CA12: variants seen among roughly 807,000 people sequenced by gnomAD.
CA12 encodes carbonate dehydratase XII.
CA12 carries 36 observed loss-of-function variants against 46.8 expected under a neutral mutation model. The observed-to-expected ratio is 0.77, with a 90% CI of 0.59 to 1.02. The LOEUF is 1.02. Ranked by LOEUF, CA12 falls within the 50% of genes least tolerant of loss-of-function variation. The probability of loss-of-function intolerance (pLI) is 0.00; values close to 1 mark genes in which losing one functional copy is unlikely to be tolerated. For synonymous variants in CA12, 202 were observed against 187.0 expected, an observed-to-expected ratio of 1.08 and a Z score of -0.65; for missense variants, 436 against 451.4, an observed-to-expected ratio of 0.97 and a Z score of 0.31.
chr15:63,371,380 A>G (rs4984268), intron 2 of CA12, among the ~76,000 whole-genome samples: 36,329 of 152,108 alleles, frequency 0.24, 5,225 homozygotes, highest in East Asian at 0.5. Context: ...CCCGGCTCAC[A>G]CCGAGTCCTG....
At chr15:63,338,166 A>C (rs968569420) in intron 8 of CA12, among the ~76,000 whole-genome samples, 6 of 152,362 alleles carry the variant, frequency 3.9e-5, no homozygotes. Flanking sequence ...GGGAGACCCG[A>C]GCCCTTGTAG....
chr15:63,375,475 A>T, intron 2 of CA12, 183 bp downstream of exon 2: 1 of 560,086 alleles, frequency 1.8e-6, no homozygotes. Context: ...GAGAAAGTGC[A>T]GTATGCAACC....
At position 63,372,809 on chromosome 15, in the gene CA12, G is replaced by A. The variant is rs1232296741; in HGVS notation, c.106+2849C>T. On this transcript the variant is annotated intron_variant, in intron 2 of 10. Coordinates refer to ENST00000178638, the MANE Select transcript of CA12 (RefSeq NM_001218.5). This position sits in a 1 kb window ranked among gnomAD's most constrained non-coding sequence, Gnocchi z 4.5. ...CTGTCCTCTCCTGCACGTCCCCTCTGAGGGCTGACTCCACATCACACATGC... is the reference window on the plus strand; with the variant it reads ...CTGTCCTCTCCTGCACGTCCCCTCTAAGGGCTGACTCCACATCACACATGC... Among the ~76,000 whole-genome samples, 1 of 152,176 alleles carries A rather than the reference G, an allele frequency of 6.6e-6. No individual in the cohort carries two copies. Among genetic ancestry groups the A allele is most frequent in the Non-Finnish European group, 1.5e-5 (1 of 68,018 alleles).
At chr15:63,350,527 G>A (rs1360160943) in intron 2 of CA12, among the ~76,000 whole-genome samples, 1 of 152,202 alleles carries the variant, frequency 6.6e-6, no homozygotes, top group Non-Finnish European at 1.5e-5. Context: ...GGAGGATCAC[G>A]TGTCTTTCAC....
chr15:63,351,219 G>C (rs760933506), intron 2 of CA12, among the ~76,000 whole-genome samples: 20 of 152,360 alleles, frequency 1.3e-4, no homozygotes, highest in Non-Finnish European at 1.9e-4. Flanking sequence ...CTCAGAGCCA[G>C]CTTGGTCTAT....
chr15:63,368,604 C>T (rs1357837580), intron 2 of CA12, among the ~76,000 whole-genome samples: 3 of 152,212 alleles, frequency 2.0e-5, no homozygotes, highest in Non-Finnish European at 4.4e-5. Context: ...TAAGGGGATG[C>T]GTTGCCAAAA....
intron 2 of CA12, among the ~76,000 whole-genome samples, chr15:63,353,231 T>G (rs965214143): frequency 6.6e-6 from 1 of 152,012 alleles, no homozygotes. Context: ...GGGATCCCTG[T>G]CAAGCAGATG....
intron 2 of CA12, among the ~76,000 whole-genome samples, chr15:63,352,558 A>AC (rs1320404865): frequency 6.6e-6 from 1 of 151,842 alleles, no homozygotes; most frequent in African/African-American, 2.4e-5. Context: ...TCTGAGGTGG[A>AC]CCCCCCTGTG....
rs750312071 is a variant in CA12, at chr15:63,381,797, G to A, written c.-77C>T. ...GCCGCTCGCTCTCCAGCTGCACACCGGGACCGCGTGCGCGCAGCCTGGGTG... is the reference window on the plus strand; with the variant it reads ...GCCGCTCGCTCTCCAGCTGCACACCAGGACCGCGTGCGCGCAGCCTGGGTG... On this transcript the variant is annotated 5_prime_UTR_variant, in exon 1 of 11. Transcript: ENST00000178638. 5.1e-6 allele frequency: 5 copies of A among 975,788 alleles called. No homozygotes were observed. The highest frequency in any genetic ancestry group is 7.9e-5 in the Admixed American group (2 of 25,200). 60.4% of individuals were successfully genotyped at this position (975,788 alleles called of 1,614,324 possible).
At chr15:63,368,386 G>A (rs2039461319) in intron 2 of CA12, among the ~76,000 whole-genome samples, 1 of 152,184 alleles carries the variant, frequency 6.6e-6, no homozygotes, top group Admixed American at 6.5e-5. Flanking sequence ...AAGGAAGAGA[G>A]TAACAGGCCA....
At position 63,341,737 on chromosome 15, in the gene CA12, G is replaced by A. The variant is rs1323339294; in HGVS notation, c.525+265C>T. 1.3e-5 allele frequency among the ~76,000 whole-genome samples: 2 copies of A among 152,204 alleles called. No homozygotes were observed. The highest frequency in any genetic ancestry group is 2.9e-5 in the Non-Finnish European group (2 of 68,036). ...GTCCTCCCCAACTGGGCAATTCCAT[G>A]CCTTATGCAACAGGGCTAGATGTTG... On this transcript the variant is annotated intron_variant, in intron 5 of 10. Transcript: ENST00000178638. This position sits in a 1 kb window ranked among gnomAD's most constrained non-coding sequence, Gnocchi z 5.2.
chr15:63,350,146 G>A (rs115824581), intron 2 of CA12, among the ~76,000 whole-genome samples: 3,058 of 152,270 alleles, frequency 0.02, 112 homozygotes, highest in African/African-American at 0.07. Context: ...GGGTGTCCCC[G>A]CCTTGCATAG....
chr15:63,332,269 G>A (rs558937243), intron 8 of CA12, among the ~76,000 whole-genome samples: 2 of 152,328 alleles, frequency 1.3e-5, no homozygotes, highest in African/African-American at 4.8e-5. Context: ...ATCTTCAGAG[G>A]ACATATTTAA....
intron 2 of CA12, among the ~76,000 whole-genome samples, chr15:63,350,020 A>G (rs886352657): frequency 1.3e-5 from 2 of 152,130 alleles, no homozygotes; most frequent in Non-Finnish European, 2.9e-5. Flanking sequence ...CCTGTGTGCA[A>G]ATGGTTTCTG....
chr15:63,328,892 G>A lies in CA12; in HGVS notation c.875-762C>T, dbSNP rs953854023. ...ATTTTTGTATTTTTAGTAGAGATGGGGTTTTGCCATGTTGACCAGGCTGGT... is the reference window on the plus strand; with the variant it reads ...ATTTTTGTATTTTTAGTAGAGATGGAGTTTTGCCATGTTGACCAGGCTGGT... On this transcript the variant is annotated intron_variant, in intron 8 of 10. Transcript: ENST00000178638. This position sits in a 1 kb window ranked among gnomAD's most constrained non-coding sequence, Gnocchi z 5.9. Among the ~76,000 whole-genome samples, 1 of 151,996 alleles carries A rather than the reference G, an allele frequency of 6.6e-6. No homozygotes were observed. Among genetic ancestry groups the A allele is most frequent in the Non-Finnish European group, 1.5e-5 (1 of 68,010 alleles).
intron 1 of CA12, among the ~76,000 whole-genome samples, chr15:63,379,949 A>T (rs1290259539): frequency 6.6e-6 from 1 of 152,220 alleles, no homozygotes; most frequent in Non-Finnish European, 1.5e-5. Context: ...GTTCTTGAAC[A>T]TTCTCCAATG....
intron 8 of CA12, among the ~76,000 whole-genome samples, chr15:63,335,377 G>A (rs35243299): frequency 0.048 from 7,219 of 151,958 alleles, 205 homozygotes; most frequent in South Asian, 0.091. Context: ...TAAATGATTC[G>A]GTCCAAATTG....
intron 2 of CA12, chr15:63,375,387 G>A (rs1259129734): frequency 1.1e-5 from 4 of 377,610 alleles, no homozygotes; most frequent in African/African-American, 8.3e-5. Context: ...TTGGAGGTTT[G>A]GTAGAAATCC....
intron 1 of CA12, among the ~76,000 whole-genome samples, chr15:63,376,528 C>G (rs746100305): frequency 2.0e-5 from 3 of 151,534 alleles, no homozygotes; most frequent in Non-Finnish European, 4.4e-5. Context: ...CTCTCTCTCT[C>G]TGTCTCTCCC....
Sources: allele counts gnomAD v4.1 joint callset (sites outside exome capture counted in the v4.1 genomes callset), GRCh38; gene constraint gnomAD v4.1.1; non-coding constraint Gnocchi (gnomAD v3.1); transcripts MANE v1.5; gene names NCBI Gene and HGNC (gene_info 2026-07-23, HGNC 2026-07-21).